ZC3HC1: variants seen among roughly 807,000 people sequenced by gnomAD.
ZC3HC1 encodes the protein zinc finger C3HC-type protein 1.
In ZC3HC1, 38 loss-of-function variants were observed where a neutral mutation model predicts 61.9. The ratio of observed to expected loss-of-function variants is 0.61; its 90% CI spans 0.47 to 0.81. ZC3HC1 has a LOEUF of 0.81. Ranked by LOEUF, ZC3HC1 falls within the 30% of genes least tolerant of loss-of-function variation. ZC3HC1 has a pLI of 0.00. For missense variants in ZC3HC1, 554 were observed against 622.7 expected (o/e 0.89, Z 1.17); for synonymous variants, 213 against 229.9 (o/e 0.93, Z 0.67).
intron 4 of ZC3HC1, among the ~76,000 whole-genome samples, chr7:130,032,205 C>T (rs1303511534): frequency 7.6e-6 from 1 of 131,598 alleles, no homozygotes; most frequent in East Asian, 2.2e-4. Flanking sequence ...GCCTGGGCAA[C>T]AGAACAAGAT....
chr7:130,040,147 TAA>T (rs1025947928), intron 3 of ZC3HC1, among the ~76,000 whole-genome samples: 14 of 130,542 alleles, frequency 1.1e-4, no homozygotes, highest in Non-Finnish European at 1.7e-4. Context: ...TAGATTACAT[TAA>T]GTCAAGTCCA....
intron 5 of ZC3HC1, chr7:130,026,556 T>C (rs1793918561): frequency 2.7e-6 from 1 of 370,026 alleles, no homozygotes; most frequent in Admixed American, 4.2e-5. Context: ...GCCAAAACTC[T>C]TGTTAGTACT....
intron 5 of ZC3HC1, 144 bp downstream of exon 5, chr7:130,028,757 TG>T: frequency 1.8e-6 from 2 of 1,091,868 alleles, no homozygotes; most frequent in Non-Finnish European, 2.5e-6. Flanking sequence ...GTCACCTTCC[TG>T]GTGGAGACTG....
At position 130,041,073 on chromosome 7, in the gene ZC3HC1, T is replaced by G. The variant is rs774688765; in HGVS notation, c.287A>C (p.Glu96Ala). The change falls in exon 3 of 10, where the codon GAG (glutamate) becomes GCG (alanine). Residue 96 changes from glutamate (E) to alanine (A), a missense_variant. Physicochemically the swap from Glu to Ala is moderately radical, Grantham distance 107. Coordinates refer to ENST00000358303, the MANE Select transcript of ZC3HC1 (RefSeq NM_016478.5). ...SSLKWAGKPF[E>A]LSPLVCAKYG... is the part of the protein sequence containing the mutation. Reference sequence around the variant, plus strand: ...TTTTGCACAGACGAGTGGAGACAGCTCAAAGGGCTTACCTGCCCATTTCAA... The same window carrying G: ...TTTTGCACAGACGAGTGGAGACAGCGCAAAGGGCTTACCTGCCCATTTCAA... 6.2e-7 allele frequency: 1 copy of G among 1,613,312 alleles called. No individual in the cohort carries two copies. Among genetic ancestry groups the G allele is most frequent in the Non-Finnish European group, 8.5e-7 (1 of 1,179,898 alleles).
chr7:130,034,320 C>T (rs903529894), intron 4 of ZC3HC1, among the ~76,000 whole-genome samples: 1 of 151,152 alleles, frequency 6.6e-6, no homozygotes, highest in Non-Finnish European at 1.5e-5. Context: ...CCCGTCTCTA[C>T]TAAAAATACA....
chr7:130,045,433 A>C (rs971268650), intron 2 of ZC3HC1: 1 of 456,182 alleles, frequency 2.2e-6, no homozygotes, highest in African/African-American at 2.0e-5. Context: ...GCTACCCATC[A>C]GTACCATGTT....
At chr7:130,049,374 T>C (rs898675548) in intron 1 of ZC3HC1, among the ~76,000 whole-genome samples, 1 of 152,168 alleles carries the variant, frequency 6.6e-6, no homozygotes, top group Non-Finnish European at 1.5e-5. Context: ...CTTTACAGTT[T>C]ACCCATATCT....
chr7:130,026,337 T>G (rs1017642198), intron 5 of ZC3HC1, 25 bp from the exon 6 acceptor site: 1 of 1,591,234 alleles, frequency 6.3e-7, no homozygotes, highest in African/African-American at 1.3e-5. Flanking sequence ...AGTAAAAAAC[T>G]TCGTTTCAAC....
intron 8 of ZC3HC1, among the ~76,000 whole-genome samples, 155 bp from the exon 9 acceptor site, chr7:130,022,680 TTTTC>T (rs1041647558): frequency 2.6e-5 from 4 of 152,244 alleles, no homozygotes; most frequent in South Asian, 2.1e-4. Flanking sequence ...TTTCCTCTCA[TTTTC>T]TTTATTTTTT....
intron 5 of ZC3HC1, 189 bp from the exon 6 acceptor site, chr7:130,026,501 T>G (rs978249145): frequency 4.0e-6 from 2 of 500,346 alleles, no homozygotes; most frequent in African/African-American, 3.9e-5. Context: ...CTTTCTGAAT[T>G]GCCCTGAATC....
intron 4 of ZC3HC1, among the ~76,000 whole-genome samples, chr7:130,029,410 CATATT>C (rs1794078857): frequency 6.6e-6 from 1 of 151,810 alleles, no homozygotes; most frequent in African/African-American, 2.4e-5. Flanking sequence ...ATAAAAAACA[CATATT>C]GAATGATTGA....
At position 130,022,667 on chromosome 7, in the gene ZC3HC1, C is replaced by A. The variant is rs544121836; in HGVS notation, c.1234-142G>T. On this transcript the variant is annotated intron_variant, in intron 8 of 9. Transcript: ENST00000358303. ...TGCTCTCCTTCAAACTTTGCCTACA[C>A]ATTTTCCTCTCATTTTCTTTATTTT... 4 of 866,724 alleles carry A rather than the reference C, an allele frequency of 4.6e-6. No homozygotes were observed. The East Asian group carries it at 8.0e-5, about 17-fold the overall frequency. 53.7% of individuals were successfully genotyped at this position (866,724 alleles called of 1,614,324 possible).
chr7:130,039,060 C>T (rs907448019), intron 4 of ZC3HC1, among the ~76,000 whole-genome samples: 1 of 151,818 alleles, frequency 6.6e-6, no homozygotes, highest in African/African-American at 2.4e-5. Flanking sequence ...AAAAAGAGGC[C>T]GGGCACAGTG....
intron 2 of ZC3HC1, among the ~76,000 whole-genome samples, chr7:130,046,299 C>G (rs1794863487): frequency 6.6e-6 from 1 of 152,054 alleles, no homozygotes; most frequent in Non-Finnish European, 1.5e-5. Context: ...TACCCCGGAA[C>G]TGAAGATAAA....
chr7:130,039,504 G>A lies in ZC3HC1; in HGVS notation c.453C>T (p.Ala151=), dbSNP rs746252896. Residue 151 remains alanine (A), a synonymous_variant, in exon 4 of 10, where the codon GCC becomes GCT. Transcript: ENST00000358303. ...CAELKKALCT[A]HEKFCFWPDS... ...CTGGCCAGAAACAGAACTTCTCATG[G>A]GCAGTACACAAGGCTTTCTTCAGCT... 3 of 1,612,696 alleles carry A rather than the reference G, an allele frequency of 1.9e-6. No individual in the cohort carries two copies. Among genetic ancestry groups the A allele is most frequent in the Non-Finnish European group, 2.5e-6 (3 of 1,179,690 alleles).
intron 6 of ZC3HC1, among the ~76,000 whole-genome samples, chr7:130,025,167 A>G (rs932874457): frequency 6.6e-6 from 1 of 150,848 alleles, no homozygotes; most frequent in Non-Finnish European, 1.5e-5. Context: ...TGGCCTCCCA[A>G]AGTGCTGGGA....
chr7:130,046,377 CAGG>C (rs1794866914), intron 2 of ZC3HC1, among the ~76,000 whole-genome samples: 1 of 152,102 alleles, frequency 6.6e-6, no homozygotes, highest in Admixed American at 6.6e-5. Context: ...GAGGCCAAGG[CAGG>C]AGGATTGCCT....
intron 4 of ZC3HC1, among the ~76,000 whole-genome samples, chr7:130,037,255 C>T (rs1286464085): frequency 6.6e-6 from 1 of 152,164 alleles, no homozygotes; most frequent in Non-Finnish European, 1.5e-5. Context: ...ACCAGCCTGG[C>T]CAACATGGTG....
intron 8 of ZC3HC1, 55 bp from the exon 9 acceptor site, chr7:130,022,580 G>T: frequency 6.3e-7 from 1 of 1,577,544 alleles, no homozygotes. Context: ...GTAAGTTCAG[G>T]GAGGCACTGC....
Sources: allele counts gnomAD v4.1 joint callset (sites outside exome capture counted in the v4.1 genomes callset), GRCh38; gene constraint gnomAD v4.1.1; transcripts MANE v1.5; gene names NCBI Gene and HGNC (gene_info 2026-07-23, HGNC 2026-07-21).